EPB41L5: variants seen among roughly 807,000 people sequenced by gnomAD.
EPB41L5 encodes erythrocyte membrane protein band 4.1 like 5.
Under a neutral mutation model 106.6 loss-of-function variants are expected in EPB41L5, and 55 were observed. The ratio of observed to expected loss-of-function variants is 0.52; its 90% CI spans 0.42 to 0.65. The LOEUF is 0.65. Ranked by LOEUF, EPB41L5 falls within the 30% of genes least tolerant of loss-of-function variation. The probability of loss-of-function intolerance (pLI) is 0.00; values close to 1 mark genes in which losing one functional copy is unlikely to be tolerated. For synonymous variants in EPB41L5, 297 were observed against 306.7 expected (o/e 0.97, Z 0.33); for missense variants, 871 against 882.1 (o/e 0.99, Z 0.16).
At chr2:120,046,764 G>A (rs1019183894) in intron 3 of EPB41L5, among the ~76,000 whole-genome samples, 62 of 152,178 alleles carry the variant, frequency 4.1e-4, no homozygotes, top group African/African-American at 1.4e-3. Flanking sequence ...TATTGCCTAG[G>A]TTTTCTTCTA....
intron 20 of EPB41L5, among the ~76,000 whole-genome samples, chr2:120,157,750 C>T (rs1483879940): frequency 5.4e-5 from 7 of 129,074 alleles, no homozygotes; most frequent in African/African-American, 8.6e-5. Context: ...ACCTGGGAAA[C>T]GGAGTGAGAC....
chr2:120,137,258 A>G (rs1214009503), intron 18 of EPB41L5, among the ~76,000 whole-genome samples: 1 of 152,148 alleles, frequency 6.6e-6, no homozygotes, highest in African/African-American at 2.4e-5. Flanking sequence ...CCTACATCAC[A>G]AAAGTAGAAC....
intron 20 of EPB41L5, among the ~76,000 whole-genome samples, chr2:120,147,775 C>T (rs1450695181): frequency 6.6e-6 from 1 of 152,014 alleles, no homozygotes; most frequent in Non-Finnish European, 1.5e-5. Context: ...GCCCAATGTT[C>T]ATCAGAAGTT....
At chr2:120,034,950 A>C (rs967603488) in intron 2 of EPB41L5, among the ~76,000 whole-genome samples, 1 of 152,204 alleles carries the variant, frequency 6.6e-6, no homozygotes, top group African/African-American at 2.4e-5. Flanking sequence ...TTTCATTTCC[A>C]ATAATGACTT....
intron 14 of EPB41L5, among the ~76,000 whole-genome samples, chr2:120,099,654 C>G (rs1051593236): frequency 6.6e-6 from 1 of 152,100 alleles, no homozygotes; most frequent in Non-Finnish European, 1.5e-5. Context: ...GTCTCGATCT[C>G]CTGGCCTCGT....
At chr2:120,118,955 A>G (rs1685081070) in intron 16 of EPB41L5, among the ~76,000 whole-genome samples, 1 of 152,238 alleles carries the variant, frequency 6.6e-6, no homozygotes, top group Non-Finnish European at 1.5e-5. Context: ...TCCCACCAAC[A>G]GTGTAAAACA....
chr2:120,074,476 A>G, intron 5 of EPB41L5: 1 of 227,152 alleles, frequency 4.4e-6, no homozygotes, highest in East Asian at 9.3e-5. Flanking sequence ...GTTTCAATAC[A>G]TTGCAATATT....
chr2:120,166,506 G>A (rs564374107), intron 22 of EPB41L5, among the ~76,000 whole-genome samples: 69 of 151,358 alleles, frequency 4.6e-4, no homozygotes, highest in African/African-American at 1.6e-3. Flanking sequence ...CAGGAGTAGC[G>A]TGATCTCAGC....
intron 11 of EPB41L5, among the ~76,000 whole-genome samples, chr2:120,088,317 G>C (rs1234805402): frequency 6.6e-6 from 1 of 152,114 alleles, no homozygotes. Flanking sequence ...ATTATCCTTA[G>C]CAAAGTAATG....
At chr2:120,065,750 C>T (rs1244727727) in intron 3 of EPB41L5, among the ~76,000 whole-genome samples, 2 of 152,164 alleles carry the variant, frequency 1.3e-5, no homozygotes, top group African/African-American at 4.8e-5. Context: ...CTCCTGACCT[C>T]AGGTGATTGC....
intron 3 of EPB41L5, among the ~76,000 whole-genome samples, chr2:120,045,254 A>G (rs1310156294): frequency 2.0e-5 from 3 of 152,230 alleles, no homozygotes; most frequent in Admixed American, 1.3e-4. Flanking sequence ...GATGAAGCCA[A>G]AGTTCACTTT....
chr2:120,024,432 G>GAT (rs1558802422), intron 2 of EPB41L5, among the ~76,000 whole-genome samples: 1 of 152,136 alleles, frequency 6.6e-6, no homozygotes, highest in Non-Finnish European at 1.5e-5. Flanking sequence ...CATCTATTGA[G>GAT]ATAATCATGT....
At chr2:120,117,709 AC>A in intron 16 of EPB41L5, among the ~76,000 whole-genome samples, 1 of 152,320 alleles carries the variant, frequency 6.6e-6, no homozygotes, top group East Asian at 1.9e-4. Flanking sequence ...TTGGACACAG[AC>A]CCGTGAAACC....
Position 120,141,150 on chromosome 2 carries a change from G to A in EPB41L5, c.1600-1853G>A, listed in dbSNP as rs182405117. ...ACCTGACATGCCTTATGTACTGTTG[G>A]TTCAGTTCTAAAAATGTGTTTATTG... On this transcript the variant is annotated intron_variant, in intron 18 of 24. Transcript: ENST00000263713. 4.5e-3 allele frequency among the ~76,000 whole-genome samples: 691 copies of A among 152,156 alleles called. 3 individuals are homozygous for A. Among genetic ancestry groups the A allele is most frequent in the Non-Finnish European group, 6.9e-3 (466 of 67,964 alleles).
intron 18 of EPB41L5, among the ~76,000 whole-genome samples, chr2:120,132,063 G>A (rs1400720497): frequency 6.6e-6 from 1 of 152,066 alleles, no homozygotes; most frequent in East Asian, 1.9e-4. Context: ...GCTGCTCTGT[G>A]GTATAAACAA....
chr2:120,158,586 C>T lies in EPB41L5; in HGVS notation c.1794-2295C>T, dbSNP rs1687002854. Among the ~76,000 whole-genome samples, 4 of 152,106 alleles carry T rather than the reference C, an allele frequency of 2.6e-5. 1 individual carries two copies. Among genetic ancestry groups the T allele is most frequent in the Admixed American group, 2.6e-4 (4 of 15,254 alleles). On this transcript the variant is annotated intron_variant, in intron 20 of 24. Coordinates refer to ENST00000263713, the MANE Select transcript of EPB41L5 (RefSeq NM_020909.4). ...ATAAAAGAAGTATTCAAGGAACATA[C>T]CTCAAAATAATAAAAGCCATCTCTG...
chr2:120,103,472 A>C (rs961456009), intron 16 of EPB41L5, among the ~76,000 whole-genome samples: 1 of 152,208 alleles, frequency 6.6e-6, no homozygotes, highest in Non-Finnish European at 1.5e-5. Context: ...TGATTATATA[A>C]GGAGCGATGA....
At chr2:120,077,416 A>C in intron 9 of EPB41L5, 100 bp downstream of exon 9, 3 of 865,114 alleles carry the variant, frequency 3.5e-6, no homozygotes, top group Admixed American at 4.8e-5. Context: ...GAGTTTGCAT[A>C]AGCTAGCACT....
intron 4 of EPB41L5, among the ~76,000 whole-genome samples, chr2:120,073,609 T>G (rs936992259): frequency 6.6e-6 from 1 of 152,216 alleles, no homozygotes; most frequent in South Asian, 2.1e-4. Context: ...ACATAAAATG[T>G]TAGTGTCATT....
Sources: gnomAD v4.1 joint callset for allele counts (sites outside exome capture counted in the v4.1 genomes callset) on GRCh38, gnomAD v4.1.1 for gene constraint, MANE v1.5 for transcripts, NCBI Gene and HGNC (gene_info 2026-07-23, HGNC 2026-07-21) for gene names.